The following PEX14 variants were observed in gnomAD, a reference collection of about 807,000 sequenced individuals.
PEX14 encodes peroxisomal membrane protein PEX14.
A neutral mutation model predicts 49.5 loss-of-function variants in PEX14; 15 were observed. The observed-to-expected ratio is 0.30, with a 90% CI of 0.20 to 0.47. PEX14 has a LOEUF of 0.47. PEX14 is among the 20% of genes least tolerant of loss of function. PEX14 has a pLI of 1.00. For missense variants in PEX14, 398 were observed against 494.8 expected, an observed-to-expected ratio of 0.80 and a Z score of 1.86; for synonymous variants, 210 against 212.7, an observed-to-expected ratio of 0.99 and a Z score of 0.11.
chr1:10,550,704 G>T (rs761537281), intron 3 of PEX14, among the ~76,000 whole-genome samples: 8 of 152,100 alleles, frequency 5.3e-5, no homozygotes, highest in Admixed American at 2.0e-4. Context: ...GTGTAAACAT[G>T]GGCTTATGAG....
At chr1:10,501,077 C>T (rs1012527244) in intron 2 of PEX14, among the ~76,000 whole-genome samples, 2 of 152,140 alleles carry the variant, frequency 1.3e-5, no homozygotes, top group Non-Finnish European at 2.9e-5. Context: ...AGGAACTTGT[C>T]ATTTTCCAGG....
rs1220047684 is a variant in PEX14, at chr1:10,494,810, G to A, written c.37-464G>A. Among the ~76,000 whole-genome samples the A allele has an allele frequency of 1.3e-5, 2 of 152,236 alleles. No individual in the cohort carries two copies. Among genetic ancestry groups the A allele is most frequent in the South Asian group, 2.1e-4 (1 of 4,836 alleles). The stretch of plus-strand genomic sequence containing the variant: ...TAGATGCCCAGAGAAAATCCTGAGC[G>A]TGGGCAGCTGGGGCCCCCTGGTGGT... On this transcript the variant is annotated intron_variant, in intron 1 of 8. Transcript: ENST00000356607. This position sits in a 1 kb window ranked among gnomAD's most constrained non-coding sequence, Gnocchi z 4.3.
At chr1:10,606,136 A>T (rs1641119056) in intron 4 of PEX14, among the ~76,000 whole-genome samples, 1 of 152,182 alleles carries the variant, frequency 6.6e-6, no homozygotes, top group Non-Finnish European at 1.5e-5. Context: ...GCTTAAAGAG[A>T]GAGGAATTTT....
At position 10,494,624 on chromosome 1, in the gene PEX14, G is replaced by T. The variant is rs546957168; in HGVS notation, c.37-650G>T. 6.6e-6 allele frequency among the ~76,000 whole-genome samples: 1 copy of T among 152,220 alleles called. No homozygotes were observed. ...CAGGGCCTCGGCCACAGTGCTGCCTGCTCGCCTGGAGGTTGGTCTGCTTAT... is the reference window on the plus strand; with the variant it reads ...CAGGGCCTCGGCCACAGTGCTGCCTTCTCGCCTGGAGGTTGGTCTGCTTAT... On this transcript the variant is annotated intron_variant, in intron 1 of 8. Transcript: ENST00000356607. The surrounding 1 kb of genome is among the most constrained non-coding windows in gnomAD (Gnocchi z 4.3).
chr1:10,561,042 ACT>A (rs1189250401), intron 3 of PEX14, among the ~76,000 whole-genome samples: 2 of 151,376 alleles, frequency 1.3e-5, no homozygotes, highest in African/African-American at 4.9e-5. Context: ...ACTTTGTCTC[ACT>A]CTCTACACAC....
chr1:10,576,959 C>G (rs1226235184), intron 3 of PEX14, among the ~76,000 whole-genome samples: 1 of 151,878 alleles, frequency 6.6e-6, no homozygotes, highest in Non-Finnish European at 1.5e-5. Flanking sequence ...CCAGGCTGGT[C>G]TTTAACCCCT....
chr1:10,583,112 C>G (rs910341821), intron 3 of PEX14, among the ~76,000 whole-genome samples: 20 of 152,090 alleles, frequency 1.3e-4, no homozygotes, highest in African/African-American at 4.3e-4. Context: ...AAGAGGGAAT[C>G]AAGAAGGTGG....
At chr1:10,475,365 C>G (rs192434945) in intron 1 of PEX14, among the ~76,000 whole-genome samples, 1 of 152,170 alleles carries the variant, frequency 6.6e-6, no homozygotes, top group Non-Finnish European at 1.5e-5. Flanking sequence ...ATCGATCGTT[C>G]CCGGCTGTCC....
At chr1:10,622,570 A>G (rs911898765) in intron 5 of PEX14, among the ~76,000 whole-genome samples, 2 of 152,180 alleles carry the variant, frequency 1.3e-5, no homozygotes, top group Admixed American at 6.5e-5. Context: ...CAGGTTCAAA[A>G]TGTTCACAAT....
intron 4 of PEX14, among the ~76,000 whole-genome samples, chr1:10,606,527 A>T (rs1419224228): frequency 6.9e-6 from 1 of 144,706 alleles, no homozygotes; most frequent in African/African-American, 2.7e-5. Flanking sequence ...TGGGTTTAGG[A>T]TAATGGTTGC....
intron 3 of PEX14, among the ~76,000 whole-genome samples, chr1:10,592,735 C>G (rs760724605): frequency 5.9e-5 from 9 of 152,316 alleles, no homozygotes; most frequent in Non-Finnish European, 1.3e-4. Context: ...GTTGATTTGG[C>G]TATGTCATTG....
chr1:10,519,078 G>C (rs1410086200), intron 2 of PEX14, among the ~76,000 whole-genome samples: 1 of 152,110 alleles, frequency 6.6e-6, no homozygotes, highest in East Asian at 1.9e-4. Flanking sequence ...TGTCCAACAG[G>C]GGGTGAATGA....
chr1:10,499,852 T>C (rs1233124002), intron 2 of PEX14, among the ~76,000 whole-genome samples: 1 of 152,178 alleles, frequency 6.6e-6, no homozygotes, highest in Non-Finnish European at 1.5e-5. Context: ...ATAAAGATGC[T>C]CTGCAGTTGC....
At chr1:10,601,262 C>CAAAAAAA (rs58910333) in intron 4 of PEX14, among the ~76,000 whole-genome samples, 6 of 57,064 alleles carry the variant, frequency 1.1e-4, no homozygotes, top group East Asian at 4.6e-4. Context: ...GACTCTGTCT[C>CAAAAAAA]AAAAAAAAAA....
rs1236435271 is a variant in PEX14 at position 10,539,756 on chromosome 1, C to T, written c.169+3459C>T. On this transcript the variant is annotated intron_variant, in intron 3 of 8. Coordinates refer to ENST00000356607, the MANE Select transcript of PEX14 (RefSeq NM_004565.3). This position sits in a 1 kb window ranked among gnomAD's most constrained non-coding sequence, Gnocchi z 4.6. The stretch of plus-strand genomic sequence containing the variant: ...TCAATAGGCTTGTGTTGATTTGACA[C>T]CCTATCCAGCCACAAAATGTAGGAG... Among the ~76,000 whole-genome samples the T allele has an allele frequency of 6.6e-6, 1 of 151,702 alleles. No homozygotes were observed. Among genetic ancestry groups the T allele is most frequent in the Non-Finnish European group, 1.5e-5 (1 of 67,986 alleles).
intron 3 of PEX14, among the ~76,000 whole-genome samples, chr1:10,587,747 A>G (rs1229786827): frequency 1.3e-5 from 2 of 152,146 alleles, no homozygotes; most frequent in Non-Finnish European, 2.9e-5. Flanking sequence ...CCATATAGCC[A>G]TTAAATAGAA....
intron 3 of PEX14, among the ~76,000 whole-genome samples, chr1:10,595,976 C>T (rs1366142346): frequency 2.6e-5 from 4 of 152,196 alleles, no homozygotes; most frequent in Non-Finnish European, 5.9e-5. Flanking sequence ...TGCAAGGTCT[C>T]AATCTAAGAT....
At chr1:10,592,352 G>A (rs564152527) in intron 3 of PEX14, among the ~76,000 whole-genome samples, 26 of 152,032 alleles carry the variant, frequency 1.7e-4, no homozygotes, top group African/African-American at 5.8e-4. Flanking sequence ...CTCTGGAATC[G>A]ATCAAATATC....
chr1:10,612,705 C>G (rs1050182442), intron 4 of PEX14, among the ~76,000 whole-genome samples: 3 of 152,250 alleles, frequency 2.0e-5, no homozygotes, highest in African/African-American at 7.2e-5. Flanking sequence ...AGCCAGGTCC[C>G]CGTCTCTCTG....
Sources: allele counts gnomAD v4.1 joint callset (sites outside exome capture counted in the v4.1 genomes callset), GRCh38; gene constraint gnomAD v4.1.1; non-coding constraint Gnocchi (gnomAD v3.1); transcripts MANE v1.5; gene names NCBI Gene and HGNC (gene_info 2026-07-23, HGNC 2026-07-21).